The following METTL22 variants were observed in gnomAD, a reference collection of about 807,000 sequenced individuals.
The protein encoded by METTL22 is methyltransferase-like protein 22.
Under a neutral mutation model 48.4 loss-of-function variants are expected in METTL22, and 51 were observed. The ratio of observed to expected loss-of-function variants is 1.05; its 90% CI spans 0.84 to 1.33. The LOEUF is 1.33. Ranked by LOEUF, METTL22 falls within the 40% of genes most tolerant of loss-of-function variation. The probability of loss-of-function intolerance (pLI) is 0.00; values close to 1 mark genes in which losing one functional copy is unlikely to be tolerated. For synonymous variants in METTL22, 255 were observed against 214.1 expected (o/e 1.19, Z -1.67); for missense variants, 678 against 526.9 (o/e 1.29, Z -2.81).
In METTL22 at chr16:8,625,748, C is replaced by T; in HGVS notation, c.83C>T (p.Thr28Ile). 1.9e-6 allele frequency: 3 copies of T among 1,614,224 alleles called. No homozygotes were observed. The highest frequency in any genetic ancestry group is 2.2e-5 in the East Asian group (1 of 44,892). The part of the protein sequence containing the change: ...DTVLSDVHLY[T>I]PNHRHLMVRL... The stretch of plus-strand genomic sequence containing the variant: ...GTGCTGTCAGATGTCCACCTCTATA[C>T]CCCGAACCATAGACATCTCATGGTA... The change falls in exon 2 of 11, where the codon ACC becomes ATC. Residue 28 changes from threonine (T) to isoleucine (I), a missense_variant. Transcript: ENST00000381920.
At chr16:8,658,044 C>T in the METTL22 span, among the ~76,000 whole-genome samples, 2,290 of 152,186 alleles carry the variant, frequency 0.015, 56 homozygotes, top group African/African-American at 0.052. Context: ...CTCAAACTCC[C>T]GAGTTCAAGC....
chr16:8,649,184 T>A lies in METTL22; in HGVS notation c.*3041T>A, dbSNP rs1384615574. 2 of 152,218 alleles carry A rather than the reference T, an allele frequency of 1.3e-5. No homozygotes were observed. The highest frequency in any genetic ancestry group is 2.9e-5 in the Non-Finnish European group (2 of 68,036). 9.4% of individuals were successfully genotyped at this position (152,218 alleles called of 1,614,324 possible). ...CATTAGGGCAAACTGCTTTTATGTC[T>A]AAACCACTGGGCCTGAAAGCTTCCT... On this transcript the variant is annotated 3_prime_UTR_variant, in exon 11 of 11. Transcript: ENST00000381920.
chr16:8,636,675 A>G (rs1596350995), intron 5 of METTL22, among the ~76,000 whole-genome samples: 1 of 141,374 alleles, frequency 7.1e-6, no homozygotes, highest in Non-Finnish European at 1.5e-5. Flanking sequence ...TTTGTCAGTT[A>G]CACTGTGATG....
Position 8,625,638 on chromosome 16 carries a change from G to A in METTL22, c.-28G>A, listed in dbSNP as rs373328050. On this transcript the variant is annotated 5_prime_UTR_variant, in exon 2 of 11. Transcript: ENST00000381920. ...CCATTCTCACCTCTGAGGGACTCCT[G>A]TCCTAGGACTAAGGTGGAGCCTGGG... is the stretch of plus-strand genomic sequence containing the variant. 6 of 1,613,560 alleles carry A rather than the reference G, an allele frequency of 3.7e-6. No homozygotes were observed. In the South Asian group the frequency reaches 5.5e-5, roughly 15 times the overall value.
intron 7 of METTL22, 139 bp downstream of exon 7, chr16:8,641,323 C>T (rs1314243595): frequency 1.2e-6 from 1 of 816,890 alleles, no homozygotes; most frequent in African/African-American, 1.7e-5. Context: ...CAGCTTCTCT[C>T]CATTGGCCGA....
intron 2 of METTL22, among the ~76,000 whole-genome samples, chr16:8,627,668 G>A (rs62018564): frequency 0.09 from 13,768 of 152,136 alleles, 709 homozygotes; most frequent in Middle Eastern, 0.14. Flanking sequence ...AGTCATTAAC[G>A]TGTTTTTACA....
At chr16:8,624,038 C>T (rs1366955824) in intron 1 of METTL22, 2 of 152,194 alleles carry the variant, frequency 1.3e-5, no homozygotes, top group Non-Finnish European at 2.9e-5. Context: ...TTTACCCACC[C>T]AGTAACACTG....
rs1250424946 is a variant in METTL22 at position 8,629,009 on chromosome 16, G to T, written c.413G>T (p.Gly138Val). ...GCCGCCTCTGATTCCAACCCAGCAG[G>T]GCCTCTGAGAGACAAGGTACATCCC... ...PRAASDSNPA[G>V]PLRDKVHPMI... The change falls in exon 3 of 11, where the codon GGG becomes GTG. Residue 138 changes from glycine to valine, a missense_variant. By Grantham distance (109) the Gly-to-Val change is moderately radical. Transcript: ENST00000381920. The T allele has an allele frequency of 2.5e-6, 4 of 1,614,010 alleles. No homozygotes were observed. In the African/African-American group the frequency reaches 5.3e-5, roughly 22 times the overall value.
At position 8,639,570 on chromosome 16, in the gene METTL22, C is replaced by T. The variant is rs568899057; in HGVS notation, c.772+408C>T. 2.8e-5 allele frequency: 6 copies of T among 211,476 alleles called. No homozygotes were observed. The South Asian group carries it at 4.7e-4, about 17-fold the overall frequency. The allele number at this position is 211,476 out of a possible 1,614,324, so 13.1% of individuals were successfully genotyped here. A position where few individuals can be genotyped will look rare whatever the true frequency, so the allele number is the denominator to read the frequency against. On this transcript the variant is annotated intron_variant, in intron 6 of 10. Coordinates refer to ENST00000381920, the MANE Select transcript of METTL22 (RefSeq NM_024109.4). ...CACCTGTGGGGTGAAGTCTGAGCTC[C>T]TTGAATTCCCAGGCCTCCCTGGCCC...
intron 2 of METTL22, among the ~76,000 whole-genome samples, chr16:8,626,365 A>G (rs1273405782): frequency 6.6e-6 from 1 of 152,092 alleles, no homozygotes; most frequent in East Asian, 1.9e-4. Flanking sequence ...GAATGCAGAT[A>G]CGAATGAGCC....
At chr16:8,655,154 T>C in the METTL22 span, among the ~76,000 whole-genome samples, 1 of 152,218 alleles carries the variant, frequency 6.6e-6, no homozygotes, top group African/African-American at 2.4e-5. Flanking sequence ...ACAACAAACA[T>C]TTATTATCTT....
rs569576124 is a variant in METTL22 at position 8,625,745 on chromosome 16, A to G, written c.80A>G (p.Tyr27Cys). 19 of 1,614,170 alleles carry G rather than the reference A, an allele frequency of 1.2e-5. No individual in the cohort carries two copies. In the South Asian group the frequency reaches 1.4e-4, roughly 12 times the overall value. ...ACTGTGCTGTCAGATGTCCACCTCT[A>G]TACCCCGAACCATAGACATCTCATG... ...SDTVLSDVHL[Y>C]TPNHRHLMVR... The change falls in exon 2 of 11, where the codon TAT (tyrosine) becomes TGT (cysteine). Residue 27 changes from tyrosine to cysteine, a missense_variant. By Grantham distance (194) the Tyr-to-Cys change is radical. Transcript: ENST00000381920.
intron 3 of METTL22, among the ~76,000 whole-genome samples, 171 bp downstream of exon 3, chr16:8,629,281 G>A (rs537648619): frequency 8.5e-5 from 13 of 152,240 alleles, no homozygotes; most frequent in Middle Eastern, 3.4e-3. Context: ...ACTCCTGCCC[G>A]GCTCACACCA....
At chr16:8,624,635 A>G (rs1231852427) in intron 1 of METTL22, among the ~76,000 whole-genome samples, 1 of 151,962 alleles carries the variant, frequency 6.6e-6, no homozygotes, top group African/African-American at 2.4e-5. Flanking sequence ...GGAAGCTGAT[A>G]TGGGAGGATG....
chr16:8,631,316 A>G (rs1033852387), intron 3 of METTL22: 4 of 152,224 alleles, frequency 2.6e-5, no homozygotes, highest in African/African-American at 9.6e-5. Context: ...GATTCAAAAG[A>G]AATTATGTTC....
chr16:8,629,251 A>G (rs1178279111), intron 3 of METTL22, 141 bp downstream of exon 3: 2 of 1,108,176 alleles, frequency 1.8e-6, no homozygotes, highest in African/African-American at 3.1e-5. Flanking sequence ...GAGACTGGGG[A>G]AGCTCTCCAC....
the METTL22 span, among the ~76,000 whole-genome samples, chr16:8,656,307 A>T: frequency 6.6e-6 from 1 of 152,212 alleles, no homozygotes; most frequent in Non-Finnish European, 1.5e-5. Flanking sequence ...ATGTAGCAGG[A>T]TGCCACTTCC....
chr16:8,632,628 A>G (rs190250560), intron 3 of METTL22, among the ~76,000 whole-genome samples: 20 of 152,196 alleles, frequency 1.3e-4, no homozygotes, highest in Admixed American at 3.3e-4. Flanking sequence ...TGACCACCTC[A>G]ATGGTTCTCA....
chr16:8,653,588 T>C (rs1021124517), downstream of METTL22, among the ~76,000 whole-genome samples: 38 of 152,240 alleles, frequency 2.5e-4, no homozygotes, highest in African/African-American at 8.9e-4. Flanking sequence ...TACAAATTAA[T>C]AAGGCAATCA....
Sources: gnomAD v4.1 joint callset for allele counts (sites outside exome capture counted in the v4.1 genomes callset) on GRCh38, gnomAD v4.1.1 for gene constraint, MANE v1.5 for transcripts, NCBI Gene and HGNC (gene_info 2026-07-23, HGNC 2026-07-21) for gene names.